The following ALDH1L1 variants were observed in gnomAD, a reference collection of about 807,000 sequenced individuals.
The protein encoded by ALDH1L1 is cytosolic 10-formyltetrahydrofolate dehydrogenase.
ALDH1L1 carries 68 observed loss-of-function variants against 101.1 expected under a neutral mutation model. The observed-to-expected ratio is 0.67, with a 90% confidence interval of 0.55 to 0.82. The LOEUF (loss-of-function observed/expected upper bound fraction) is 0.82, where lower values mean the gene tolerates loss of function less well. ALDH1L1 is among the 40% of genes least tolerant of loss of function. The pLI is 0.00. For missense variants in ALDH1L1, 1,087 were observed against 1,172.7 expected (o/e 0.93, Z 1.07); for synonymous variants, 486 against 470.8 (o/e 1.03, Z -0.42).
chr3:126,195,031 G>A (rs12695477), intron 1 of ALDH1L1, among the ~76,000 whole-genome samples: 93,583 of 150,596 alleles, frequency 0.62, 29,156 homozygotes, highest in Middle Eastern at 0.67. Context: ...AATTTACCAT[G>A]CGAGATCCTT....
At chr3:126,113,115 C>A (rs1455961710) in intron 18 of ALDH1L1, among the ~76,000 whole-genome samples, 1 of 152,226 alleles carries the variant, frequency 6.6e-6, no homozygotes, top group Non-Finnish European at 1.5e-5. Flanking sequence ...CACGCCCCAA[C>A]TCCCACCACT....
At chr3:126,183,939 G>A (rs987028202), upstream of ALDH1L1, among the ~76,000 whole-genome samples, 5 of 152,202 alleles carry the variant, frequency 3.3e-5, no homozygotes, top group Non-Finnish European at 5.9e-5. Flanking sequence ...GTGGAAGGAT[G>A]TAAGTAGTTT....
intron 3 of ALDH1L1, among the ~76,000 whole-genome samples, chr3:126,157,882 T>G (rs2080948539): frequency 6.6e-6 from 1 of 152,188 alleles, no homozygotes; most frequent in African/African-American, 2.4e-5. Context: ...CTCAAATGTC[T>G]TCCCTCTTTG....
At chr3:126,110,240 G>A in intron 19 of ALDH1L1, 131 bp from the exon 20 acceptor site, 1 of 1,189,408 alleles carries the variant, frequency 8.4e-7, no homozygotes, top group Non-Finnish European at 1.2e-6. Context: ...AGGGCTTTCT[G>A]AATTCTGACT....
At chr3:126,191,321 T>C (rs1197446605) in intron 1 of ALDH1L1, among the ~76,000 whole-genome samples, 1 of 152,264 alleles carries the variant, frequency 6.6e-6, no homozygotes. Context: ...TCTACTGATA[T>C]GGCAGCTGTG....
chr3:126,159,382 C>T (rs2080992630), intron 2 of ALDH1L1: 1 of 456,028 alleles, frequency 2.2e-6, no homozygotes, highest in Non-Finnish European at 4.4e-6. Flanking sequence ...CTTAGCCTTA[C>T]AGTGGCAGCT....
chr3:126,168,630 A>G (rs2081215212), intron 1 of ALDH1L1, among the ~76,000 whole-genome samples: 1 of 152,134 alleles, frequency 6.6e-6, no homozygotes, highest in African/African-American at 2.4e-5. Flanking sequence ...GTCTTCCCCA[A>G]ATCAAACTTT....
intron 1 of ALDH1L1, among the ~76,000 whole-genome samples, chr3:126,195,707 C>G (rs1403228575): frequency 6.6e-6 from 1 of 152,174 alleles, no homozygotes; most frequent in Non-Finnish European, 1.5e-5. Flanking sequence ...GACTTGGAAC[C>G]AACCTAAATG....
At chr3:126,188,390 C>T (rs972263332) in intron 1 of ALDH1L1, among the ~76,000 whole-genome samples, 2 of 152,194 alleles carry the variant, frequency 1.3e-5, no homozygotes, top group African/African-American at 2.4e-5. Flanking sequence ...GTTTTGGTAT[C>T]CGCAGGTGGT....
At chr3:126,178,921 T>C (rs1003588573) in intron 1 of ALDH1L1, among the ~76,000 whole-genome samples, 8 of 151,344 alleles carry the variant, frequency 5.3e-5, no homozygotes, top group African/African-American at 1.2e-4. Flanking sequence ...TTTTTTTATA[T>C]TGTACATGAT....
chr3:126,113,323 G>C (rs1011928744), intron 18 of ALDH1L1, among the ~76,000 whole-genome samples: 1 of 152,196 alleles, frequency 6.6e-6, no homozygotes, highest in African/African-American at 2.4e-5. Flanking sequence ...GCAGGCGGTG[G>C]GTGACAGGGC....
chr3:126,182,155 AT>A (rs5852470), upstream of ALDH1L1, among the ~76,000 whole-genome samples: 7,554 of 150,894 alleles, frequency 0.05, 285 homozygotes, highest in Admixed American at 0.12. Flanking sequence ...TTATTTATTT[AT>A]TTTTTTTTGA....
chr3:126,167,936 C>T (rs1055800885), intron 1 of ALDH1L1, among the ~76,000 whole-genome samples: 4 of 152,080 alleles, frequency 2.6e-5, no homozygotes, highest in African/African-American at 9.7e-5. Context: ...AAAAACTTAA[C>T]ACATTTTACC....
chr3:126,149,477 T>G (rs114575648), intron 8 of ALDH1L1, among the ~76,000 whole-genome samples: 1 of 152,210 alleles, frequency 6.6e-6, no homozygotes, highest in African/African-American at 2.4e-5. Context: ...CAGCTGGCCC[T>G]GCAACACCAG....
At chr3:126,145,529 T>C (rs1361227339) in intron 9 of ALDH1L1, among the ~76,000 whole-genome samples, 1 of 152,222 alleles carries the variant, frequency 6.6e-6, no homozygotes, top group Non-Finnish European at 1.5e-5. Flanking sequence ...TGCCATGTGC[T>C]ACAAAAGGGC....
chr3:126,117,533 G>A (rs2079995155), intron 17 of ALDH1L1, among the ~76,000 whole-genome samples: 1 of 151,748 alleles, frequency 6.6e-6, no homozygotes, highest in South Asian at 2.1e-4. Flanking sequence ...GTGCATGCCT[G>A]TAGTCCCAGC....
At chr3:126,117,099 T>C (rs952575477) in intron 17 of ALDH1L1, among the ~76,000 whole-genome samples, 2 of 151,644 alleles carry the variant, frequency 1.3e-5, no homozygotes, top group Non-Finnish European at 2.9e-5. Context: ...TAAAAACTTA[T>C]CCAGGTATGG....
At chr3:126,196,958 A>T (rs977014316) in intron 1 of ALDH1L1, among the ~76,000 whole-genome samples, 3 of 151,876 alleles carry the variant, frequency 2.0e-5, no homozygotes, top group Non-Finnish European at 4.4e-5. Context: ...CCTTTCAACT[A>T]CTCAAGATAA....
At position 126,118,440 on chromosome 3, in the gene ALDH1L1, G is replaced by C. The variant is rs188975151; in HGVS notation, c.1889-342C>G. Among the ~76,000 whole-genome samples, 58 of 152,214 alleles carry C rather than the reference G, an allele frequency of 3.8e-4. No individual in the cohort carries two copies. In the East Asian group the frequency reaches 9.8e-3, roughly 26 times the overall value. On this transcript the variant is annotated intron_variant, in intron 16 of 22. Coordinates refer to ENST00000393434, the MANE Select transcript of ALDH1L1 (RefSeq NM_012190.4). ...TGTCCTTCTAAGAAGAGGAGATTTG[G>C]GCAATGACCATGCGAGGACATAGAG...
Sources: allele counts gnomAD v4.1 joint callset (sites outside exome capture counted in the v4.1 genomes callset), GRCh38; gene constraint gnomAD v4.1.1; transcripts MANE v1.5; gene names NCBI Gene and HGNC (gene_info 2026-07-23, HGNC 2026-07-21).